The following PTPRT variants were observed in gnomAD, a reference collection of about 807,000 sequenced individuals.
The protein encoded by PTPRT is protein tyrosine phosphatase receptor type T.
In PTPRT, 56 loss-of-function variants were observed where a neutral mutation model predicts 176.8. That is an observed-to-expected ratio of 0.32 (90% CI 0.26 to 0.40). The LOEUF (loss-of-function observed/expected upper bound fraction) is 0.40. PTPRT is among the 10% of genes least tolerant of loss of function. PTPRT has a pLI of 1.00. For synonymous variants in PTPRT, 783 were observed against 739.0 expected (o/e 1.06, Z -0.96); for missense variants, 1,540 against 1,908.2 (o/e 0.81, Z 3.60).
chr20:42,556,924 G>A (rs2145634512), intron 7 of PTPRT, among the ~76,000 whole-genome samples: 1 of 152,246 alleles, frequency 6.6e-6, no homozygotes, highest in South Asian at 2.1e-4. Flanking sequence ...CTCCGCACCA[G>A]GGTCTGAGAC....
At chr20:43,059,568 A>C (rs1426152962) in intron 1 of PTPRT, among the ~76,000 whole-genome samples, 1 of 152,150 alleles carries the variant, frequency 6.6e-6, no homozygotes, top group Non-Finnish European at 1.5e-5. Flanking sequence ...AATGGCCTTT[A>C]CCATCCGTAT....
intron 1 of PTPRT, among the ~76,000 whole-genome samples, chr20:43,128,632 A>T (rs2013536267): frequency 6.6e-6 from 1 of 152,268 alleles, no homozygotes; most frequent in African/African-American, 2.4e-5. Flanking sequence ...GAAGGGATGC[A>T]GAGATGCACC....
At chr20:42,550,887 T>C (rs1020153898) in intron 7 of PTPRT, among the ~76,000 whole-genome samples, 3 of 152,258 alleles carry the variant, frequency 2.0e-5, no homozygotes, top group East Asian at 1.9e-4. Flanking sequence ...CATGGCCTCC[T>C]CATTACCACA....
At chr20:42,635,481 C>T (rs544988766) in intron 7 of PTPRT, among the ~76,000 whole-genome samples, 2 of 152,108 alleles carry the variant, frequency 1.3e-5, no homozygotes, top group African/African-American at 4.8e-5. Context: ...TGCATTTCCA[C>T]ATTTAAGAGG....
intron 1 of PTPRT, among the ~76,000 whole-genome samples, chr20:42,957,890 G>A (rs758792383): frequency 1.3e-5 from 2 of 152,008 alleles, no homozygotes; most frequent in Non-Finnish European, 2.9e-5. Flanking sequence ...AGTGCCCTGT[G>A]CAGAATGTCT....
chr20:42,392,788 G>A (rs183930960), intron 9 of PTPRT, among the ~76,000 whole-genome samples: 2 of 152,300 alleles, frequency 1.3e-5, no homozygotes, highest in African/African-American at 4.8e-5. Flanking sequence ...GGCATGGGTG[G>A]TGCAGGGAAG....
chr20:42,110,619 G>GTGT (rs1359606357), intron 22 of PTPRT, 132 bp from the exon 23 acceptor site: 9 of 917,704 alleles, frequency 9.8e-6, no homozygotes, highest in Non-Finnish European at 1.4e-5. Context: ...TTGTTAATAG[G>GTGT]TGTTACTGGA....
intron 27 of PTPRT, among the ~76,000 whole-genome samples, chr20:42,096,756 A>ATTTTTT (rs58111170): frequency 7.6e-5 from 9 of 118,866 alleles, no homozygotes; most frequent in Non-Finnish European, 1.0e-4. Flanking sequence ...GCTAATTAAA[A>ATTTTTT]TTTTTTTTTT....
intron 7 of PTPRT, among the ~76,000 whole-genome samples, chr20:42,561,467 G>A (rs2072950388): frequency 6.6e-6 from 1 of 152,148 alleles, no homozygotes; most frequent in African/African-American, 2.4e-5. Flanking sequence ...CAAGCCTTGG[G>A]GACATCTTAA....
intron 20 of PTPRT, among the ~76,000 whole-genome samples, chr20:42,119,163 A>C (rs1046616698): frequency 6.6e-6 from 1 of 152,042 alleles, no homozygotes; most frequent in Non-Finnish European, 1.5e-5. Flanking sequence ...TTGATATAAA[A>C]GTTTGAATAC....
intron 7 of PTPRT, among the ~76,000 whole-genome samples, chr20:42,630,910 G>A (rs1348915868): frequency 6.6e-6 from 1 of 152,122 alleles, no homozygotes; most frequent in Non-Finnish European, 1.5e-5. Flanking sequence ...TTCTCTGAGT[G>A]ATTGAAGTCT....
intron 12 of PTPRT, among the ~76,000 whole-genome samples, chr20:42,297,894 A>G (rs1459729537): frequency 6.6e-5 from 10 of 152,184 alleles, no homozygotes; most frequent in African/African-American, 2.4e-4. Flanking sequence ...AAAACTAAAT[A>G]TAAAAATACT....
chr20:42,417,127 A>G (rs1435807932), intron 9 of PTPRT, among the ~76,000 whole-genome samples: 1 of 152,198 alleles, frequency 6.6e-6, no homozygotes, highest in African/African-American at 2.4e-5. Flanking sequence ...GCTCTATCAA[A>G]CTTTGTCCTA....
At chr20:42,314,483 C>A (rs1461415761) in intron 12 of PTPRT, among the ~76,000 whole-genome samples, 1 of 142,360 alleles carries the variant, frequency 7.0e-6, no homozygotes, top group Non-Finnish European at 1.5e-5. Context: ...GAGCCAAGAT[C>A]GCACCACTGC....
chr20:42,632,541 T>C (rs2074434471), intron 7 of PTPRT, among the ~76,000 whole-genome samples: 1 of 152,056 alleles, frequency 6.6e-6, no homozygotes, highest in South Asian at 2.1e-4. Context: ...ATGCTTCTTT[T>C]AAAACCAGCC....
At chr20:42,171,968 C>A (rs1990096259) in intron 16 of PTPRT, among the ~76,000 whole-genome samples, 1 of 151,778 alleles carries the variant, frequency 6.6e-6, no homozygotes. Context: ...GAATCTTATC[C>A]CCATAGGAGA....
chr20:42,817,361 T>TG (rs2077805423), intron 2 of PTPRT, among the ~76,000 whole-genome samples: 2 of 113,862 alleles, frequency 1.8e-5, no homozygotes, highest in African/African-American at 6.4e-5. Context: ...TAATCATGTT[T>TG]GGTTTTTTTT....
rs118154340 is a variant in PTPRT at position 42,879,205 on chromosome 20, C to A, written c.214+6602G>T. On this transcript the variant is annotated intron_variant, in intron 2 of 30. Coordinates refer to ENST00000373187, the MANE Select transcript of PTPRT (RefSeq NM_007050.6). ...TTACCATGAGCTGGGTGGCTTAAGA[C>A]AACAGAAACCTATTGTCTCACAGTT... 7.9e-5 allele frequency among the ~76,000 whole-genome samples: 12 copies of A among 152,286 alleles called. No homozygotes were observed. The East Asian group carries it at 1.9e-3, about 25-fold the overall frequency.
intron 12 of PTPRT, among the ~76,000 whole-genome samples, chr20:42,303,347 A>G (rs1320020775): frequency 6.6e-6 from 1 of 152,204 alleles, no homozygotes; most frequent in Admixed American, 6.5e-5. Context: ...AGGTGTTTCA[A>G]GATTGACTGA....
Sources: allele counts gnomAD v4.1 joint callset (sites outside exome capture counted in the v4.1 genomes callset), GRCh38; gene constraint gnomAD v4.1.1; transcripts MANE v1.5; gene names NCBI Gene and HGNC (gene_info 2026-07-23, HGNC 2026-07-21).